The following SLC4A10 variants were observed in gnomAD, a reference collection of about 807,000 sequenced individuals.
SLC4A10 encodes the protein solute carrier family 4 member 10.
SLC4A10 carries 42 observed loss-of-function variants against 137.7 expected under a neutral mutation model. The observed-to-expected ratio is 0.30, with a 90% CI of 0.24 to 0.39. SLC4A10 has a LOEUF of 0.39. SLC4A10 is among the 10% of genes least tolerant of loss of function. The probability of loss-of-function intolerance (pLI) is 1.00; values close to 1 mark genes in which losing one functional copy is unlikely to be tolerated. For missense variants in SLC4A10, 925 were observed against 1,355.0 expected, an observed-to-expected ratio of 0.68 and a Z score of 4.98; for synonymous variants, 474 against 464.1, an observed-to-expected ratio of 1.02 and a Z score of -0.27.
intron 1 of SLC4A10, among the ~76,000 whole-genome samples, chr2:161,745,712 GC>G (rs1179961717): frequency 1.3e-5 from 2 of 152,080 alleles, no homozygotes; most frequent in Non-Finnish European, 2.9e-5. Context: ...TTTTTGAGAA[GC>G]CTTTCCAATT....
intron 11 of SLC4A10, among the ~76,000 whole-genome samples, chr2:161,895,953 A>G (rs1488019670): frequency 2.0e-5 from 3 of 150,744 alleles, no homozygotes; most frequent in African/African-American, 7.3e-5. Flanking sequence ...TTTTGTTGCC[A>G]TTGCTTTTGG....
intron 18 of SLC4A10, among the ~76,000 whole-genome samples, chr2:161,949,761 T>A (rs1694463644): frequency 1.3e-5 from 2 of 151,794 alleles, no homozygotes; most frequent in South Asian, 4.2e-4. Context: ...TAATGAGATA[T>A]GTTTGGGGTG....
chr2:161,814,287 A>G (rs532708000), intron 3 of SLC4A10, among the ~76,000 whole-genome samples: 24 of 152,266 alleles, frequency 1.6e-4, no homozygotes, highest in African/African-American at 5.3e-4. Context: ...ACAGATTCTG[A>G]CAAAGCTGCA....
At chr2:161,640,551 G>A (rs1012004193) in intron 1 of SLC4A10, among the ~76,000 whole-genome samples, 28 of 151,864 alleles carry the variant, frequency 1.8e-4, no homozygotes, top group Non-Finnish European at 5.9e-5. Flanking sequence ...TTACAACTTT[G>A]TTTGCTATCA....
At chr2:161,886,571 G>A (rs960938332) in intron 10 of SLC4A10, among the ~76,000 whole-genome samples, 1 of 152,080 alleles carries the variant, frequency 6.6e-6, no homozygotes, top group African/African-American at 2.4e-5. Context: ...GTTATTACAT[G>A]TTCAGTGTGA....
At chr2:161,877,435 C>T (rs947792749) in intron 8 of SLC4A10, among the ~76,000 whole-genome samples, 1 of 151,722 alleles carries the variant, frequency 6.6e-6, no homozygotes, top group African/African-American at 2.4e-5. Context: ...TTATGTTTTC[C>T]TCACAGAGCT....
At chr2:161,779,466 C>T (rs1186801860) in intron 2 of SLC4A10, among the ~76,000 whole-genome samples, 1 of 151,962 alleles carries the variant, frequency 6.6e-6, no homozygotes, top group Non-Finnish European at 1.5e-5. Flanking sequence ...GCAGTATTCT[C>T]CTGCTTTTCT....
intron 11 of SLC4A10, among the ~76,000 whole-genome samples, chr2:161,900,156 A>G (rs1559492798): frequency 6.6e-6 from 1 of 152,008 alleles, no homozygotes; most frequent in African/African-American, 2.4e-5. Flanking sequence ...GAACTTTCTG[A>G]TTTTTTAAGA....
Position 161,974,260 on chromosome 2 carries a change from T to C in SLC4A10, c.3171T>C (p.Ser1057=), listed in dbSNP as rs374324130. Residue 1057 remains serine, a synonymous_variant, in exon 24 of 27, where the codon AGT becomes AGC. Transcript: ENST00000446997. ...ATTTGTCTTTTCAGGAAGAACAAAG[T>C]ATGCTAGCTATGGAAGATGAGGGCA... The part of the protein sequence containing the change: ...LEDAEKEEEQ[S]MLAMEDEGTV... The C allele has an allele frequency of 2.2e-5, 35 of 1,606,538 alleles. No individual in the cohort carries two copies. The highest frequency in any genetic ancestry group is 5.1e-5 in the Admixed American group (3 of 59,052).
chr2:161,873,874 G>T, intron 7 of SLC4A10, 42 bp from the exon 8 acceptor site: 1 of 1,562,986 alleles, frequency 6.4e-7, no homozygotes, highest in South Asian at 1.2e-5. Flanking sequence ...GTCTCCGTGG[G>T]AGCATGGTGT....
chr2:161,873,162 A>G (rs1171243846), intron 7 of SLC4A10, among the ~76,000 whole-genome samples: 1 of 152,222 alleles, frequency 6.6e-6, no homozygotes, highest in East Asian at 1.9e-4. Context: ...AGAAGGACAC[A>G]GCAAAACTGA....
At chr2:161,884,031 T>G (rs1356595203) in intron 10 of SLC4A10, among the ~76,000 whole-genome samples, 1 of 152,198 alleles carries the variant, frequency 6.6e-6, no homozygotes. Context: ...TAACTTATTC[T>G]ATTTAGGAAA....
chr2:161,946,567 A>G (rs961557084), intron 16 of SLC4A10, among the ~76,000 whole-genome samples: 1 of 152,154 alleles, frequency 6.6e-6, no homozygotes, highest in Non-Finnish European at 1.5e-5. Context: ...CATTTAAACC[A>G]TTATTTCCTG....
chr2:161,784,847 A>G (rs2053442154), intron 2 of SLC4A10, among the ~76,000 whole-genome samples: 1 of 151,552 alleles, frequency 6.6e-6, no homozygotes, highest in Non-Finnish European at 1.5e-5. Context: ...GGGACTAGAA[A>G]AAAAAAACAC....
intron 1 of SLC4A10, among the ~76,000 whole-genome samples, chr2:161,714,227 G>T (rs1291455900): frequency 6.6e-6 from 1 of 151,818 alleles, no homozygotes; most frequent in Non-Finnish European, 1.5e-5. Flanking sequence ...ACTTCACATT[G>T]CCTAGGAAAG....
intron 9 of SLC4A10, among the ~76,000 whole-genome samples, chr2:161,881,844 G>A (rs942711345): frequency 2.0e-5 from 3 of 151,816 alleles, no homozygotes; most frequent in Admixed American, 6.6e-5. Context: ...TTTCTTCTAC[G>A]TGGCTGATCT....
chr2:161,754,194 G>A (rs548588726), intron 1 of SLC4A10, among the ~76,000 whole-genome samples: 4 of 152,098 alleles, frequency 2.6e-5, no homozygotes, highest in African/African-American at 7.2e-5. Context: ...AAACCACTGC[G>A]TCTTGCTGAC....
chr2:161,939,352 G>A (rs775298811), intron 15 of SLC4A10, among the ~76,000 whole-genome samples: 1 of 152,148 alleles, frequency 6.6e-6, no homozygotes, highest in Non-Finnish European at 1.5e-5. Context: ...TGGAATTACA[G>A]ATGTGAGCCA....
At chr2:161,767,129 A>T (rs1173273568) in intron 1 of SLC4A10, among the ~76,000 whole-genome samples, 4 of 84,520 alleles carry the variant, frequency 4.7e-5, no homozygotes, top group South Asian at 7.2e-4. Flanking sequence ...ATATATATAT[A>T]TATATATATA....
Sources: gnomAD v4.1 joint callset for allele counts (sites outside exome capture counted in the v4.1 genomes callset) on GRCh38, gnomAD v4.1.1 for gene constraint, MANE v1.5 for transcripts, NCBI Gene and HGNC (gene_info 2026-07-23, HGNC 2026-07-21) for gene names.